LRRC69: variants seen among roughly 807,000 people sequenced by gnomAD.
LRRC69 encodes leucine-rich repeat-containing protein 69.
LRRC69 carries 42 observed loss-of-function variants against 37.8 expected under a neutral mutation model. The ratio of observed to expected loss-of-function variants is 1.11; its 90% CI spans 0.87 to 1.44. The LOEUF (loss-of-function observed/expected upper bound fraction) is 1.44, where lower values mean the gene tolerates loss of function less well. Ranked by LOEUF, LRRC69 falls within the 40% of genes most tolerant of loss-of-function variation. The pLI is 0.00. For synonymous variants in LRRC69, 141 were observed against 143.1 expected, an observed-to-expected ratio of 0.99 and a Z score of 0.11; for missense variants, 357 against 401.9, an observed-to-expected ratio of 0.89 and a Z score of 0.96.
chr8:91,126,407 G>T (rs886122475), intron 2 of LRRC69, among the ~76,000 whole-genome samples: 1 of 151,952 alleles, frequency 6.6e-6, no homozygotes, highest in Non-Finnish European at 1.5e-5. Context: ...CTTTGAATTA[G>T]GTGCCCATGT....
At chr8:91,146,247 G>T (rs1292672095) in intron 5 of LRRC69, among the ~76,000 whole-genome samples, 2 of 151,694 alleles carry the variant, frequency 1.3e-5, no homozygotes, top group East Asian at 1.9e-4. Context: ...GGAGATAAAG[G>T]GGATGCCTTG....
intron 1 of LRRC69, among the ~76,000 whole-genome samples, chr8:91,120,754 C>T (rs1465003890): frequency 6.6e-6 from 1 of 152,082 alleles, no homozygotes; most frequent in Admixed American, 6.6e-5. Flanking sequence ...AGTGGCCTAT[C>T]TTTGCCTTCT....
intron 5 of LRRC69, among the ~76,000 whole-genome samples, chr8:91,159,267 A>G (rs1808892474): frequency 6.6e-6 from 1 of 151,308 alleles, no homozygotes. Flanking sequence ...CCCTGAAGGG[A>G]TGGTCTAAAG....
At chr8:91,134,615 A>G (rs951750958) in intron 4 of LRRC69, among the ~76,000 whole-genome samples, 1 of 152,026 alleles carries the variant, frequency 6.6e-6, no homozygotes, top group Admixed American at 6.6e-5. Flanking sequence ...GACACACCCA[A>G]AATAAAGCTT....
Position 91,122,107 on chromosome 8 carries a change from G to C in LRRC69, c.184-2386G>C, listed in dbSNP as rs1813634294. On this transcript the variant is annotated intron_variant, in intron 1 of 7. Coordinates refer to ENST00000448384, the Ensembl canonical transcript of LRRC69. ...GAACTTACCACATAACATACAAAAT[G>C]AGCACTGTACAGTATATGCCCTCAG... Among the ~76,000 whole-genome samples, 2 of 151,964 alleles carry C rather than the reference G, an allele frequency of 1.3e-5. 1 individual carries two copies.
intron 5 of LRRC69, among the ~76,000 whole-genome samples, chr8:91,137,105 T>G (rs1329821907): frequency 1.3e-5 from 2 of 152,086 alleles, no homozygotes; most frequent in Non-Finnish European, 2.9e-5. Flanking sequence ...TAATTCTATG[T>G]TTAATTTTTT....
At chr8:91,189,469 G>T in intron 5 of LRRC69, 53 bp from the exon 6 acceptor site, 1 of 1,102,968 alleles carries the variant, frequency 9.1e-7, no homozygotes, top group Non-Finnish European at 1.3e-6. Context: ...TGTAGCTTTA[G>T]AGGTAGTTTC....
intron 5 of LRRC69, among the ~76,000 whole-genome samples, chr8:91,184,466 G>A (rs1374841375): frequency 1.2e-4 from 18 of 152,086 alleles, no homozygotes; most frequent in Admixed American, 1.1e-3. Context: ...TTGCATGGGG[G>A]CAGTGGCTGT....
chr8:91,124,464 G>C, intron 1 of LRRC69, 29 bp from the exon 2 acceptor site: 1 of 1,482,768 alleles, frequency 6.7e-7, no homozygotes, highest in South Asian at 1.4e-5. Context: ...GATGATATAT[G>C]AGTCCATTAA....
chr8:91,113,937 C>A, intron 1 of LRRC69, among the ~76,000 whole-genome samples: 2 of 119,132 alleles, frequency 1.7e-5, no homozygotes, highest in Admixed American at 1.1e-4. Context: ...ACCAGGAGTT[C>A]AAGACCAACC....
chr8:91,162,197 A>G (rs939375101), intron 5 of LRRC69, among the ~76,000 whole-genome samples: 9 of 151,480 alleles, frequency 5.9e-5, no homozygotes, highest in African/African-American at 2.2e-4. Context: ...AGAATGTTCC[A>G]TGTGCTGGAA....
chr8:91,112,214 A>C (rs1374640506), intron 1 of LRRC69, among the ~76,000 whole-genome samples: 1 of 151,918 alleles, frequency 6.6e-6, no homozygotes, highest in Non-Finnish European at 1.5e-5. Flanking sequence ...GTGACCTGGG[A>C]CCTCAAAGCC....
At chr8:91,170,440 G>A (rs1809107762) in intron 5 of LRRC69, among the ~76,000 whole-genome samples, 2 of 140,538 alleles carry the variant, frequency 1.4e-5, no homozygotes, top group Admixed American at 7.1e-5. Context: ...AGCCCACATC[G>A]CCAAGCCAAT....
Position 91,158,153 on chromosome 8 carries a change from A to G in LRRC69, c.651+22414A>G, listed in dbSNP as rs540768507. On this transcript the variant is annotated intron_variant, in intron 5 of 7. Transcript: ENST00000448384. ...TGAAACTCTCACTTACCTATGGAAA[A>G]TCCCAGAAAGATCTGGAGCTGGAAC... 17 of 1,603,516 alleles carry G rather than the reference A, an allele frequency of 1.1e-5. No individual in the cohort carries two copies. The South Asian group carries it at 1.9e-4, about 18-fold the overall frequency.
At chr8:91,145,064 A>G (rs950314904) in intron 5 of LRRC69, among the ~76,000 whole-genome samples, 1 of 151,940 alleles carries the variant, frequency 6.6e-6, no homozygotes, top group Admixed American at 6.6e-5. Context: ...GAGAATGTCT[A>G]TTTCAAATTT....
At chr8:91,135,213 G>T (rs866514573) in intron 4 of LRRC69, among the ~76,000 whole-genome samples, 8 of 152,046 alleles carry the variant, frequency 5.3e-5, no homozygotes, top group African/African-American at 1.9e-4. Context: ...TCCCTTCAAG[G>T]ATTTGCTGCC....
rs143748611 is a variant in LRRC69, at chr8:91,182,933, C to T, written c.652-6589C>T. ...ACAGGAGCCTGACTAAGTGAGTAAA[C>T]TAGGGAAGGCTTCCTGGAGGAGGTG... On this transcript the variant is annotated intron_variant, in intron 5 of 7. Transcript: ENST00000448384. Among the ~76,000 whole-genome samples, 989 of 152,276 alleles carry T rather than the reference C, an allele frequency of 6.5e-3. 6 individuals are homozygous for T. The highest frequency in any genetic ancestry group is 0.017 in the Middle Eastern group (5 of 294).
At chr8:91,102,954 G>A (rs1462297555) in intron 1 of LRRC69, 110 bp downstream of exon 1, 10 of 1,034,050 alleles carry the variant, frequency 9.7e-6, no homozygotes, top group Non-Finnish European at 1.4e-5. Flanking sequence ...TGGAGACTTA[G>A]GTATCTGGAG....
intron 5 of LRRC69, among the ~76,000 whole-genome samples, chr8:91,153,699 G>T (rs1808782213): frequency 1.3e-5 from 2 of 151,946 alleles, no homozygotes; most frequent in South Asian, 4.1e-4. Flanking sequence ...AGAATCTCTG[G>T]GATGCAGCTA....
Sources: allele counts gnomAD v4.1 joint callset (sites outside exome capture counted in the v4.1 genomes callset), GRCh38; gene constraint gnomAD v4.1.1; transcripts MANE v1.5; gene names NCBI Gene and HGNC (gene_info 2026-07-23, HGNC 2026-07-21).